Variants in NRG3 observed in about 807,000 individuals in gnomAD.
NRG3 encodes neuregulin 3.
A neutral mutation model predicts 66.9 loss-of-function variants in NRG3; 31 were observed. The observed-to-expected ratio is 0.46, with a 90% CI of 0.35 to 0.63. The LOEUF is 0.63. Ranked by LOEUF, NRG3 falls within the 20% of genes least tolerant of loss-of-function variation. The pLI is 0.00. For synonymous variants in NRG3, 393 were observed against 359.4 expected, an observed-to-expected ratio of 1.09 and a Z score of -1.06; for missense variants, 910 against 878.9, an observed-to-expected ratio of 1.04 and a Z score of -0.45.
intron 4 of NRG3, among the ~76,000 whole-genome samples, chr10:82,875,754 T>A (rs749034869): frequency 2.6e-5 from 4 of 152,242 alleles, no homozygotes; most frequent in Non-Finnish European, 5.9e-5. Context: ...GTATTTTGTT[T>A]TAACAAAGTT....
chr10:82,376,798 C>T (rs542326044), intron 2 of NRG3, among the ~76,000 whole-genome samples: 1 of 152,186 alleles, frequency 6.6e-6, no homozygotes, highest in African/African-American at 2.4e-5. Context: ...TTTTCCTTCT[C>T]ATCCTCACTC....
chr10:82,003,147 A>G (rs2061238976), intron 1 of NRG3, among the ~76,000 whole-genome samples: 1 of 152,126 alleles, frequency 6.6e-6, no homozygotes, highest in South Asian at 2.1e-4. Context: ...GGAGGGGAAA[A>G]GAGAGGGGAG....
chr10:82,786,945 G>C (rs1480398281), intron 3 of NRG3, among the ~76,000 whole-genome samples: 1 of 152,090 alleles, frequency 6.6e-6, no homozygotes, highest in Admixed American at 6.6e-5. Context: ...GCAGCAAGAA[G>C]GCTCTCGCTG....
intron 4 of NRG3, among the ~76,000 whole-genome samples, chr10:82,925,882 C>A (rs1261314261): frequency 6.6e-6 from 1 of 152,212 alleles, no homozygotes; most frequent in Non-Finnish European, 1.5e-5. Flanking sequence ...CCTTTTGCAG[C>A]CTGCCCAGGC....
rs1356873058 is a variant in NRG3, at chr10:82,919,083, GTGTGTGTGTGTGTGTGTA to G, written c.1055-32374_1055-32357del. ...GTGGAGTGTGTGTGTGTGTGTGTGT[GTGTGTGTGTGTGTGTGTA>G]TGTGTGTGTGTTCCTATTACAAGTA... On this transcript the variant is annotated intron_variant, in intron 4 of 8. Coordinates refer to ENST00000372141, the MANE Select transcript of NRG3 (RefSeq NM_001010848.4). 1.2e-4 allele frequency among the ~76,000 whole-genome samples: 18 copies of G among 149,410 alleles called. No individual in the cohort carries two copies. The South Asian group carries it at 3.4e-3, about 28-fold the overall frequency.
chr10:81,900,469 C>T (rs1843957846), intron 1 of NRG3, among the ~76,000 whole-genome samples: 1 of 152,198 alleles, frequency 6.6e-6, no homozygotes, highest in Non-Finnish European at 1.5e-5. Flanking sequence ...TTGTGAATTA[C>T]AAGTTTGCAG....
chr10:82,143,767 C>T (rs150702158), intron 1 of NRG3, among the ~76,000 whole-genome samples: 11 of 152,080 alleles, frequency 7.2e-5, no homozygotes, highest in South Asian at 4.1e-4. Context: ...CAGTGGCTTA[C>T]GCCTGTTATC....
chr10:82,002,033 A>G (rs1054098538), intron 1 of NRG3, among the ~76,000 whole-genome samples: 2 of 152,142 alleles, frequency 1.3e-5, no homozygotes, highest in Non-Finnish European at 2.9e-5. Flanking sequence ...AATCTGAAAA[A>G]TCCCTTTTTG....
chr10:82,485,707 A>G (rs1842627150), intron 2 of NRG3, among the ~76,000 whole-genome samples: 1 of 151,934 alleles, frequency 6.6e-6, no homozygotes, highest in African/African-American at 2.4e-5. Flanking sequence ...CTTTCCTCCT[A>G]TTTATACAAA....
intron 6 of NRG3, among the ~76,000 whole-genome samples, chr10:82,971,436 CTTT>C (rs11289529): frequency 4.1e-4 from 50 of 121,794 alleles, no homozygotes; most frequent in Admixed American, 5.1e-4. Context: ...GAAAGCCGTT[CTTT>C]TTTTTTTTTT....
At chr10:81,966,924 C>T (rs1000479983) in intron 1 of NRG3, among the ~76,000 whole-genome samples, 7 of 151,672 alleles carry the variant, frequency 4.6e-5, no homozygotes, top group Admixed American at 2.0e-4. Flanking sequence ...TAGCTTTGTC[C>T]TTTTTCATGC....
At chr10:82,965,202 T>C (rs1409295759) in intron 6 of NRG3, among the ~76,000 whole-genome samples, 3 of 152,198 alleles carry the variant, frequency 2.0e-5, no homozygotes, top group Non-Finnish European at 2.9e-5. Flanking sequence ...ATCTTTTGTA[T>C]ATTATACCAA....
intron 4 of NRG3, among the ~76,000 whole-genome samples, chr10:82,905,729 A>G (rs1029182046): frequency 1.3e-5 from 2 of 152,018 alleles, no homozygotes; most frequent in African/African-American, 4.8e-5. Context: ...TCTCTCTAGA[A>G]TTTAAATAGT....
chr10:82,236,628 C>A (rs1161401607), intron 1 of NRG3, among the ~76,000 whole-genome samples: 3 of 151,468 alleles, frequency 2.0e-5, no homozygotes, highest in Non-Finnish European at 4.4e-5. Context: ...TTAACCCAAA[C>A]TATGATTTTA....
chr10:81,931,230 T>G (rs757998568), intron 1 of NRG3, among the ~76,000 whole-genome samples: 12 of 152,182 alleles, frequency 7.9e-5, no homozygotes, highest in Non-Finnish European at 1.5e-4. Context: ...GTCTTTCTGT[T>G]GACCAGCTTC....
intron 3 of NRG3, among the ~76,000 whole-genome samples, chr10:82,822,213 C>A (rs189719896): frequency 6.6e-6 from 1 of 152,054 alleles, no homozygotes; most frequent in Non-Finnish European, 1.5e-5. Context: ...GAACACCTGC[C>A]CAAAGAATAA....
intron 2 of NRG3, among the ~76,000 whole-genome samples, chr10:82,422,556 A>T (rs904460121): frequency 3.9e-5 from 6 of 152,044 alleles, no homozygotes; most frequent in African/African-American, 1.4e-4. Flanking sequence ...AATGCTTCTT[A>T]CTGCCTCAGA....
intron 1 of NRG3, among the ~76,000 whole-genome samples, chr10:82,136,379 T>C (rs1478317773): frequency 6.6e-6 from 1 of 151,148 alleles, no homozygotes; most frequent in Non-Finnish European, 1.5e-5. Flanking sequence ...TCATTCAGCA[T>C]GTGGAAATCC....
At chr10:82,209,268 C>T (rs576449048) in intron 1 of NRG3, among the ~76,000 whole-genome samples, 1 of 152,156 alleles carries the variant, frequency 6.6e-6, no homozygotes, top group Non-Finnish European at 1.5e-5. Context: ...GAATCTAATG[C>T]CATCTATTTA....
Sources: gnomAD v4.1 joint callset for allele counts (sites outside exome capture counted in the v4.1 genomes callset) on GRCh38, gnomAD v4.1.1 for gene constraint, MANE v1.5 for transcripts, NCBI Gene and HGNC (gene_info 2026-07-23, HGNC 2026-07-21) for gene names.